Variants in SHISA6 observed in about 807,000 individuals in gnomAD.
The protein encoded by SHISA6 is protein shisa-6.
In SHISA6, 22 loss-of-function variants were observed where a neutral mutation model predicts 47.9. That is an observed-to-expected ratio of 0.46 (90% CI 0.33 to 0.66). The LOEUF is 0.66. Among genes scored for constraint, SHISA6 ranks in the 30% least tolerant of loss-of-function variants. SHISA6 has a pLI of 0.02. For missense variants in SHISA6, 680 were observed against 764.6 expected (o/e 0.89, Z 1.30); for synonymous variants, 388 against 337.8 (o/e 1.15, Z -1.63).
At chr17:11,417,825 C>T (rs1398285767) in intron 3 of SHISA6, among the ~76,000 whole-genome samples, 1 of 152,102 alleles carries the variant, frequency 6.6e-6, no homozygotes, top group Non-Finnish European at 1.5e-5. Flanking sequence ...ATTCTGTCCC[C>T]ATTGTTATCA....
intron 3 of SHISA6, among the ~76,000 whole-genome samples, chr17:11,416,244 C>G (rs1403918655): frequency 6.6e-6 from 1 of 151,962 alleles, no homozygotes; most frequent in African/African-American, 2.4e-5. Flanking sequence ...AAAAAGGGTC[C>G]CAGAGTCAAG....
intron 3 of SHISA6, among the ~76,000 whole-genome samples, chr17:11,484,430 T>A (rs1425234667): frequency 6.6e-6 from 1 of 152,226 alleles, no homozygotes; most frequent in Non-Finnish European, 1.5e-5. Context: ...AGACAGAGTC[T>A]TGCTCTGTCA....
At chr17:11,412,544 TC>T (rs992766698) in intron 3 of SHISA6, among the ~76,000 whole-genome samples, 21 of 108,006 alleles carry the variant, frequency 1.9e-4, no homozygotes, top group Non-Finnish European at 3.4e-4. Context: ...TTAGACTTCT[TC>T]TTTTTTTTTT....
At chr17:11,437,046 T>G (rs1295975341) in intron 3 of SHISA6, among the ~76,000 whole-genome samples, 2 of 152,132 alleles carry the variant, frequency 1.3e-5, no homozygotes, top group Non-Finnish European at 2.9e-5. Flanking sequence ...GAGACATGGG[T>G]GCAGAAAGCT....
chr17:11,394,821 T>C (rs1479132653), intron 3 of SHISA6, among the ~76,000 whole-genome samples: 1 of 152,030 alleles, frequency 6.6e-6, no homozygotes, highest in Non-Finnish European at 1.5e-5. Flanking sequence ...TCTTTTTGCT[T>C]CTTTTAGTCT....
chr17:11,454,361 C>A (rs1915479875), intron 3 of SHISA6, among the ~76,000 whole-genome samples: 1 of 152,194 alleles, frequency 6.6e-6, no homozygotes, highest in Non-Finnish European at 1.5e-5. Context: ...CCTCTCTGCA[C>A]CCTCTTCCTA....
At chr17:11,322,603 T>C (rs182475993) in intron 2 of SHISA6, among the ~76,000 whole-genome samples, 99 of 152,326 alleles carry the variant, frequency 6.5e-4, no homozygotes, top group Admixed American at 3.5e-3. Context: ...ATACAATTCC[T>C]ATTTAGTTAT....
chr17:11,560,617 A>T lies in SHISA6; in HGVS notation c.*2313A>T, dbSNP rs1321427821. The T allele has an allele frequency of 1.3e-5, 2 of 152,124 alleles. No individual in the cohort carries two copies. The highest frequency in any genetic ancestry group is 2.9e-5 in the Non-Finnish European group (2 of 68,086). 9.4% of individuals were successfully genotyped at this position (152,124 alleles called of 1,614,324 possible). A position where few individuals can be genotyped will look rare whatever the true frequency, so the allele number is the denominator to read the frequency against. On this transcript the variant is annotated 3_prime_UTR_variant, in exon 6 of 6. Transcript: ENST00000441885. Reference sequence around the variant, plus strand: ...CCCAGGTGTCTACATGCAGGTATACACCAAACCAGAAAGCTGATCCCATCT... The same window carrying T: ...CCCAGGTGTCTACATGCAGGTATACTCCAAACCAGAAAGCTGATCCCATCT...
At chr17:11,352,913 A>G (rs59820861) in intron 2 of SHISA6, among the ~76,000 whole-genome samples, 6,063 of 152,278 alleles carry the variant, frequency 0.04, 389 homozygotes, top group African/African-American at 0.13. Context: ...GCATTCTTCT[A>G]TAAACAGTGG....
chr17:11,357,759 G>A (rs572016887), intron 2 of SHISA6, among the ~76,000 whole-genome samples: 6 of 152,272 alleles, frequency 3.9e-5, no homozygotes, highest in East Asian at 3.9e-4. Flanking sequence ...GATGATAATC[G>A]CTGCACATAA....
intron 1 of SHISA6, among the ~76,000 whole-genome samples, chr17:11,255,346 G>GA (rs1367658108): frequency 6.6e-6 from 1 of 152,128 alleles, no homozygotes; most frequent in Non-Finnish European, 1.5e-5. Flanking sequence ...AGGGAGGAAA[G>GA]AAGGAAAGAA....
intron 1 of SHISA6, among the ~76,000 whole-genome samples, chr17:11,253,620 G>A (rs1390866429): frequency 6.6e-6 from 1 of 152,132 alleles, no homozygotes; most frequent in African/African-American, 2.4e-5. Context: ...CGTTGATAGG[G>A]ATTAGCCTGC....
At chr17:11,311,416 G>T (rs1910338348) in intron 2 of SHISA6, among the ~76,000 whole-genome samples, 1 of 152,114 alleles carries the variant, frequency 6.6e-6, no homozygotes, top group Non-Finnish European at 1.5e-5. Context: ...ATATGATGTG[G>T]CAGGTCTTGG....
At chr17:11,297,980 G>T (rs1909807582) in intron 2 of SHISA6, among the ~76,000 whole-genome samples, 1 of 152,142 alleles carries the variant, frequency 6.6e-6, no homozygotes, top group Non-Finnish European at 1.5e-5. Flanking sequence ...TTGAGGTGAG[G>T]TTATTAGAGG....
intron 2 of SHISA6, among the ~76,000 whole-genome samples, chr17:11,335,161 G>A (rs1300577457): frequency 2.0e-5 from 3 of 152,192 alleles, no homozygotes; most frequent in African/African-American, 7.2e-5. Flanking sequence ...CTGTCACAAA[G>A]ATACTCGCAA....
chr17:11,410,318 A>G (rs985499564), intron 3 of SHISA6, among the ~76,000 whole-genome samples: 6 of 152,222 alleles, frequency 3.9e-5, no homozygotes, highest in Admixed American at 6.5e-5. Flanking sequence ...TTGAGCATCT[A>G]TCTTGTACCA....
At chr17:11,348,443 C>T (rs998801666) in intron 2 of SHISA6, among the ~76,000 whole-genome samples, 22 of 152,036 alleles carry the variant, frequency 1.4e-4, no homozygotes, top group Non-Finnish European at 2.4e-4. Flanking sequence ...GAGCTAACGG[C>T]ACTTGTCACC....
rs79494517 is a variant in SHISA6 at position 11,302,513 on chromosome 17, G to C, written c.799+38987G>C. ...TCTGCCTGTATTTTATTGCAATAAG[G>C]GGATGGTACATCTGGTACATGAACG... On this transcript the variant is annotated intron_variant, in intron 2 of 5. Transcript: ENST00000441885. Among the ~76,000 whole-genome samples the C allele has an allele frequency of 6.8e-3, 1,033 of 152,282 alleles. 8 individuals are homozygous for C. The highest frequency in any genetic ancestry group is 0.024 in the African/African-American group (979 of 41,548).
At chr17:11,530,029 C>T (rs1279965630) in intron 3 of SHISA6, among the ~76,000 whole-genome samples, 2 of 152,096 alleles carry the variant, frequency 1.3e-5, no homozygotes, top group Non-Finnish European at 2.9e-5. Flanking sequence ...AAAAAAACAC[C>T]TAGTGCTGCT....
Sources: allele counts gnomAD v4.1 joint callset (sites outside exome capture counted in the v4.1 genomes callset), GRCh38; gene constraint gnomAD v4.1.1; transcripts MANE v1.5; gene names NCBI Gene and HGNC (gene_info 2026-07-23, HGNC 2026-07-21).